SRPK2: variants seen among roughly 807,000 people sequenced by gnomAD.
SRPK2 encodes the protein SFRS protein kinase 2.
In SRPK2, 21 loss-of-function variants were observed where a neutral mutation model predicts 90.8. The ratio of observed to expected loss-of-function variants is 0.23; its 90% CI spans 0.16 to 0.33. SRPK2 has a LOEUF of 0.33. SRPK2 is among the 10% of genes least tolerant of loss of function. SRPK2 has a pLI of 1.00. For synonymous variants in SRPK2, 288 were observed against 311.1 expected, an observed-to-expected ratio of 0.93 and a Z score of 0.78; for missense variants, 620 against 869.0, an observed-to-expected ratio of 0.71 and a Z score of 3.60.
intron 3 of SRPK2, 152 bp downstream of exon 3, chr7:105,203,476 A>C: frequency 1.3e-6 from 1 of 784,122 alleles, no homozygotes; most frequent in Non-Finnish European, 1.8e-6. Context: ...CAATGACCTA[A>C]GAATTTAAAA....
chr7:105,262,638 G>C (rs576869040), intron 2 of SRPK2, among the ~76,000 whole-genome samples: 1 of 152,240 alleles, frequency 6.6e-6, no homozygotes, highest in East Asian at 1.9e-4. Context: ...ATAATCAGTG[G>C]GAAAGCAGTG....
At chr7:105,379,205 T>A (rs956451189) in intron 2 of SRPK2, among the ~76,000 whole-genome samples, 3 of 151,790 alleles carry the variant, frequency 2.0e-5, no homozygotes, top group African/African-American at 7.3e-5. Context: ...GGACTCTGCA[T>A]CCATAGGTTC....
At chr7:105,375,028 T>TA (rs1294859691) in intron 2 of SRPK2, among the ~76,000 whole-genome samples, 4 of 152,120 alleles carry the variant, frequency 2.6e-5, no homozygotes, top group African/African-American at 9.7e-5. Flanking sequence ...GAAGGAAATA[T>TA]AACAAAATAT....
chr7:105,358,330 A>G (rs1479133808), intron 2 of SRPK2, among the ~76,000 whole-genome samples: 2 of 151,894 alleles, frequency 1.3e-5, no homozygotes, highest in Non-Finnish European at 2.9e-5. Context: ...TTTGTATGTT[A>G]TATGTATTAT....
chr7:105,242,943 T>C (rs933321144), intron 2 of SRPK2, among the ~76,000 whole-genome samples: 3 of 152,222 alleles, frequency 2.0e-5, no homozygotes, highest in Non-Finnish European at 2.9e-5. Context: ...CTGTATTTTA[T>C]TAATTCTGGT....
chr7:105,344,942 C>T (rs918801292), intron 2 of SRPK2, among the ~76,000 whole-genome samples: 4 of 151,900 alleles, frequency 2.6e-5, no homozygotes, highest in African/African-American at 9.7e-5. Context: ...TCAAGACCAG[C>T]CTGGCCAACA....
chr7:105,326,001 C>A (rs1813540366), intron 2 of SRPK2, among the ~76,000 whole-genome samples: 2 of 152,324 alleles, frequency 1.3e-5, no homozygotes, highest in Non-Finnish European at 1.5e-5. Flanking sequence ...CGGTCCCCTG[C>A]CGGCGGGACA....
chr7:105,192,511 T>G (rs1257073106), intron 3 of SRPK2, among the ~76,000 whole-genome samples: 2 of 152,230 alleles, frequency 1.3e-5, no homozygotes, highest in Non-Finnish European at 2.9e-5. Flanking sequence ...TAAACATGCA[T>G]GAGCAAGTAA....
intron 7 of SRPK2, among the ~76,000 whole-genome samples, chr7:105,152,761 C>T (rs950393818): frequency 2.4e-4 from 37 of 151,976 alleles, no homozygotes; most frequent in African/African-American, 7.2e-4. Context: ...TACGGCTGGG[C>T]GCGGTGACTC....
intron 2 of SRPK2, among the ~76,000 whole-genome samples, chr7:105,232,288 C>T (rs1012910533): frequency 1.6e-4 from 25 of 151,828 alleles, no homozygotes; most frequent in African/African-American, 5.8e-4. Flanking sequence ...TGGAGAAATC[C>T]GTCTCTACTA....
intron 2 of SRPK2, among the ~76,000 whole-genome samples, chr7:105,217,786 T>G (rs931787918): frequency 5.9e-5 from 9 of 152,136 alleles, no homozygotes; most frequent in Admixed American, 2.6e-4. Context: ...ATCTAACAGA[T>G]AGATCAGATA....
At chr7:105,327,988 A>G (rs1813789276) in intron 2 of SRPK2, among the ~76,000 whole-genome samples, 1 of 152,090 alleles carries the variant, frequency 6.6e-6, no homozygotes, top group South Asian at 2.1e-4. Flanking sequence ...TGTAGTAAAA[A>G]CGGGGTTTCA....
chr7:105,156,987 G>T (rs1806589277), intron 7 of SRPK2, among the ~76,000 whole-genome samples: 1 of 152,148 alleles, frequency 6.6e-6, no homozygotes, highest in Non-Finnish European at 1.5e-5. Context: ...GCAATGGGAA[G>T]CCACTAAAGA....
At chr7:105,353,421 C>T (rs1330014841) in intron 2 of SRPK2, among the ~76,000 whole-genome samples, 1 of 152,090 alleles carries the variant, frequency 6.6e-6, no homozygotes. Flanking sequence ...CTCACTGCAG[C>T]CTTGACCTCC....
intron 2 of SRPK2, among the ~76,000 whole-genome samples, chr7:105,378,693 G>A (rs1820588901): frequency 6.6e-6 from 1 of 150,668 alleles, no homozygotes; most frequent in Admixed American, 6.6e-5. Context: ...TACTCAGGTG[G>A]TGGAGGTTGC....
intron 2 of SRPK2, among the ~76,000 whole-genome samples, chr7:105,335,110 A>C (rs1231101318): frequency 6.6e-6 from 1 of 152,112 alleles, no homozygotes; most frequent in Non-Finnish European, 1.5e-5. Context: ...GGCAGAGGCT[A>C]CAGTGAGCCG....
intron 2 of SRPK2, among the ~76,000 whole-genome samples, chr7:105,273,449 A>G (rs924075687): frequency 6.7e-6 from 1 of 148,188 alleles, no homozygotes; most frequent in African/African-American, 2.5e-5. Flanking sequence ...TTTTTGAGAC[A>G]GAGTCTCGTT....
chr7:105,325,875 A>G (rs887059298), intron 2 of SRPK2, among the ~76,000 whole-genome samples: 20 of 152,196 alleles, frequency 1.3e-4, no homozygotes, highest in African/African-American at 4.6e-4. Flanking sequence ...TTGGCTGAGA[A>G]GCCAACAGGG....
rs1002641477 is a variant in SRPK2, at chr7:105,169,375, C to T, written c.230-110G>A. 5.0e-5 allele frequency: 37 copies of T among 740,310 alleles called. No homozygotes were observed. In the Middle Eastern group the frequency reaches 2.3e-3, roughly 45 times the overall value. 45.9% of individuals were successfully genotyped at this position (740,310 alleles called of 1,614,324 possible). The stretch of plus-strand genomic sequence containing the variant: ...TCATTAAAGAAAGCTCTACATAATA[C>T]ATGCAGACTAAAACATGTTTAATAA... On this transcript the variant is annotated intron_variant, in intron 3 of 15. Transcript: ENST00000393651.
Sources: allele counts gnomAD v4.1 joint callset (sites outside exome capture counted in the v4.1 genomes callset), GRCh38; gene constraint gnomAD v4.1.1; transcripts MANE v1.5; gene names NCBI Gene and HGNC (gene_info 2026-07-23, HGNC 2026-07-21).